TAB2: variants seen among roughly 807,000 people sequenced by gnomAD.
The protein encoded by TAB2 is TGF-beta-activated kinase 1 and MAP3K7-binding protein 2.
A neutral mutation model predicts 65.0 loss-of-function variants in TAB2; 3 were observed. The ratio of observed to expected loss-of-function variants is 0.05; its 90% CI spans 0.02 to 0.12. TAB2 has a LOEUF of 0.12. Among genes scored for constraint, TAB2 ranks in the 10% least tolerant of loss-of-function variants. The pLI, the probability that TAB2 is intolerant of heterozygous loss-of-function variation, is 1.00. For synonymous variants in TAB2, 298 were observed against 285.1 expected (o/e 1.05, Z -0.46); for missense variants, 623 against 840.3 (o/e 0.74, Z 3.20).
chr6:149,375,118 A>G lies in TAB2; in HGVS notation c.103-2900A>G, dbSNP rs148793094. On this transcript the variant is annotated intron_variant, in intron 2 of 6. Coordinates refer to ENST00000637181, the MANE Select transcript of TAB2 (RefSeq NM_001292034.3). ...GTTTTTAAGTCCTGTCTCTTACAGT[A>G]CATATTGAAGTATTTACAAATCAAA... Among the ~76,000 whole-genome samples, 112 of 152,308 alleles carry G rather than the reference A, an allele frequency of 7.4e-4. 1 individual carries two copies. In the East Asian group the frequency reaches 0.021, roughly 28 times the overall value.
At chr6:149,254,098 GA>G (rs1777948707) in intron 1 of TAB2, among the ~76,000 whole-genome samples, 2 of 107,628 alleles carry the variant, frequency 1.9e-5, no homozygotes, top group African/African-American at 3.1e-5. Context: ...AGGAAGGAAG[GA>G]AGGAAGGAAG....
rs745966790 is a variant in TAB2, at chr6:149,403,234, T to TA, written c.1939+4064dup. Reference sequence around the variant, plus strand: ...GGGCAACGGGAGCGAAACTCTTGTCTAAAAAAAAAAAAAATATATATATAT... The same window carrying TA: ...GGGCAACGGGAGCGAAACTCTTGTCTAAAAAAAAAAAAAAATATATATATAT... On this transcript the variant is annotated intron_variant, in intron 6 of 6. Coordinates refer to ENST00000637181, the MANE Select transcript of TAB2 (RefSeq NM_001292034.3). Among the ~76,000 whole-genome samples the TA allele has an allele frequency of 3.0e-3, 197 of 66,060 alleles. 4 individuals are homozygous for TA. The highest frequency in any genetic ancestry group is 0.011 in the African/African-American group (132 of 12,320). 43.3% of individuals were successfully genotyped at this position (66,060 alleles called of 152,430 possible). A position where few individuals can be genotyped will look rare whatever the true frequency, so the allele number is the denominator to read the frequency against.
At chr6:149,267,162 G>T (rs1331499350) in intron 1 of TAB2, among the ~76,000 whole-genome samples, 2 of 152,254 alleles carry the variant, frequency 1.3e-5, no homozygotes, top group Non-Finnish European at 2.9e-5. Context: ...ATTTGAGGGA[G>T]ACTGGGAGGT....
At chr6:149,374,993 C>G (rs907726243) in intron 2 of TAB2, among the ~76,000 whole-genome samples, 3 of 152,196 alleles carry the variant, frequency 2.0e-5, no homozygotes, top group Non-Finnish European at 4.4e-5. Context: ...TTTAAACTAA[C>G]TGTACAAAGA....
intron 3 of TAB2, among the ~76,000 whole-genome samples, chr6:149,387,202 C>G (rs1369573715): frequency 6.6e-6 from 1 of 152,144 alleles, no homozygotes; most frequent in Non-Finnish European, 1.5e-5. Context: ...AGATTTACCC[C>G]TATTTTTTCC....
Position 149,378,190 on chromosome 6 carries a change from G to A in TAB2, c.275G>A (p.Arg92Lys). ...LQSQNIYHHG[R>K]EGSRMNGSRT... ...TCACAGAACATTTACCACCATGGAA[G>A]AGAAGGAAGTAGGATGAATGGAAGT... Residue 92 changes from arginine to lysine, a missense_variant, in exon 3 of 7, where the codon AGA becomes AAA. Arg to Lys is a conservative substitution (Grantham distance 26). This residue lies in a region of TAB2 where 550 missense variants were observed against 665.7 expected (regional missense o/e 0.83). Transcript: ENST00000637181. The A allele has an allele frequency of 6.2e-7, 1 of 1,614,200 alleles. No homozygotes were observed. The highest frequency in any genetic ancestry group is 8.5e-7 in the Non-Finnish European group (1 of 1,180,038).
chr6:149,379,676 CATTTTA>C (rs910688629), intron 3 of TAB2, among the ~76,000 whole-genome samples, 158 bp downstream of exon 3: 2 of 151,814 alleles, frequency 1.3e-5, no homozygotes, highest in Admixed American at 1.3e-4. Flanking sequence ...TATGTATATA[CATTTTA>C]ATTTTAATTT....
At chr6:149,346,227 T>C (rs1018758946) in intron 1 of TAB2, among the ~76,000 whole-genome samples, 3 of 152,010 alleles carry the variant, frequency 2.0e-5, no homozygotes, top group Admixed American at 6.6e-5. Context: ...TGTGAACTTA[T>C]CATACTCCTA....
intron 1 of TAB2, among the ~76,000 whole-genome samples, chr6:149,277,754 G>A (rs146271857): frequency 1.2e-3 from 182 of 152,242 alleles, no homozygotes; most frequent in African/African-American, 3.7e-3. Flanking sequence ...CAGATAAAAA[G>A]CATAAATGTA....
rs184579144 is a variant in TAB2 at position 149,260,733 on chromosome 6, G to T, written c.-121+41957G>T. 1.1e-4 allele frequency among the ~76,000 whole-genome samples: 17 copies of T among 152,336 alleles called. No individual in the cohort carries two copies. The East Asian group carries it at 1.7e-3, about 16-fold the overall frequency. On this transcript the variant is annotated intron_variant, in intron 1 of 1. Transcript: ENST00000606202. ...CTGAGAAGCGCTGAGAAGGGAGCCT[G>T]CTGGGTGCTGAAAGTGTGCTCTGTC...
Position 149,357,430 on chromosome 6 carries a change from A to AAAAAAACACACACACACACACAC in TAB2, c.-89-12478_-89-12477insAAAAACACACACACACACACACA. Among the ~76,000 whole-genome samples the AAAAAAACACACACACACACACAC allele has an allele frequency of 1.5e-3, 163 of 111,138 alleles. 1 individual carries two copies. The highest frequency in any genetic ancestry group is 2.8e-3 in the African/African-American group (81 of 29,182). The allele number at this position is 111,138 out of a possible 152,430, so 72.9% of individuals were successfully genotyped here. ...GACTCCGTCTCAAGGAGAAAAAAAA[A>AAAAAAACACACACACACACACAC]ACACACACACACACACACACACACA... On this transcript the variant is annotated intron_variant, in intron 1 of 6. Transcript: ENST00000637181.
At chr6:149,242,660 C>T (rs1777625200) in intron 1 of TAB2, among the ~76,000 whole-genome samples, 1 of 152,226 alleles carries the variant, frequency 6.6e-6, no homozygotes, top group Non-Finnish European at 1.5e-5. Context: ...GAACCTGTAG[C>T]TCTTCCTTGT....
At chr6:149,361,365 T>A (rs2114834864) in intron 1 of TAB2, among the ~76,000 whole-genome samples, 1 of 152,338 alleles carries the variant, frequency 6.6e-6, no homozygotes, top group South Asian at 2.1e-4. Context: ...TGCCAAGGTT[T>A]AAGGTGGCAT....
intron 2 of TAB2, among the ~76,000 whole-genome samples, chr6:149,373,969 C>A (rs1781314510): frequency 1.3e-5 from 2 of 152,092 alleles, no homozygotes; most frequent in Admixed American, 1.3e-4. Context: ...AAGCTGTTCC[C>A]AGTAACTTGA....
At position 149,378,929 on chromosome 6, in the gene TAB2, T is replaced by C. The variant is rs202047636; in HGVS notation, c.1014T>C (p.Ser338=). 89 of 1,614,128 alleles carry C rather than the reference T, an allele frequency of 5.5e-5. No individual in the cohort carries two copies. The East Asian group carries it at 9.1e-4, about 17-fold the overall frequency. ...TTGAACCCCCACAAAGAAATAATTCTTCAAAACTGCGTTCTTCTGGACCTC... is the reference window on the plus strand; with the variant it reads ...TTGAACCCCCACAAAGAAATAATTCCTCAAAACTGCGTTCTTCTGGACCTC... ...IKLEPPQRNN[S]SKLRSSGPRT... The change falls in exon 3 of 7, where the codon TCT becomes TCC. Residue 338 remains serine, a synonymous_variant. Transcript: ENST00000637181.
At chr6:149,252,400 C>CAAAA (rs10700931) in intron 1 of TAB2, among the ~76,000 whole-genome samples, 6 of 92,852 alleles carry the variant, frequency 6.5e-5, no homozygotes, top group African/African-American at 1.9e-4. Context: ...AACTCTGCCT[C>CAAAA]AAAAAAAAAA....
chr6:149,370,219 T>G lies in TAB2; in HGVS notation c.102+120T>G, dbSNP rs6570963. On this transcript the variant is annotated intron_variant, in intron 2 of 6. Coordinates refer to ENST00000637181, the MANE Select transcript of TAB2 (RefSeq NM_001292034.3). The stretch of plus-strand genomic sequence containing the variant: ...GTTAGTGTATTATGATGAAAAGAGA[T>G]AAGCTTTGGTGTCTGATAGTCATGT... The G allele has an allele frequency of 0.48, 447,341 of 933,332 alleles. 110,195 individuals are homozygous for G. Among genetic ancestry groups the G allele is most frequent in the Middle Eastern group, 0.54 (1,762 of 3,248 alleles). 57.8% of individuals were successfully genotyped at this position (933,332 alleles called of 1,614,324 possible). A position where few individuals can be genotyped will look rare whatever the true frequency, so the allele number is the denominator to read the frequency against.
intron 1 of TAB2, among the ~76,000 whole-genome samples, chr6:149,302,068 C>G (rs188761401): frequency 6.6e-6 from 1 of 152,252 alleles, no homozygotes; most frequent in Admixed American, 6.5e-5. Context: ...ATCTCTCAAT[C>G]AGCTTCTACA....
At chr6:149,400,462 G>T (rs1252136106) in intron 6 of TAB2, 2 of 1,614,122 alleles carry the variant, frequency 1.2e-6, no homozygotes, top group Admixed American at 1.7e-5. Context: ...AAGGTGGCGG[G>T]ACAGGATGGT....
Sources: allele counts gnomAD v4.1 joint callset (sites outside exome capture counted in the v4.1 genomes callset), GRCh38; gene constraint gnomAD v4.1.1; regional missense constraint gnomAD v4.1.1; transcripts MANE v1.5; gene names NCBI Gene and HGNC (gene_info 2026-07-23, HGNC 2026-07-21).